The following LRRC4C variants were observed in gnomAD, a reference collection of about 807,000 sequenced individuals.
LRRC4C encodes the protein leucine-rich repeat-containing protein 4C.
LRRC4C carries 5 observed loss-of-function variants against 33.6 expected under a neutral mutation model. That is an observed-to-expected ratio of 0.15 (90% CI 0.08 to 0.31). The LOEUF (loss-of-function observed/expected upper bound fraction) is 0.31. Among genes scored for constraint, LRRC4C ranks in the 10% least tolerant of loss-of-function variants. LRRC4C has a pLI of 1.00. For synonymous variants in LRRC4C, 329 were observed against 302.0 expected, an observed-to-expected ratio of 1.09 and a Z score of -0.93; for missense variants, 560 against 796.7, an observed-to-expected ratio of 0.70 and a Z score of 3.58.
At chr11:40,313,669 G>A (rs1178824343) in intron 4 of LRRC4C, among the ~76,000 whole-genome samples, 1 of 130,378 alleles carries the variant, frequency 7.7e-6, no homozygotes, top group African/African-American at 3.0e-5. Context: ...GTGTATTGGC[G>A]CAATCTCGGC....
chr11:40,470,705 G>A (rs532709038), intron 3 of LRRC4C, among the ~76,000 whole-genome samples: 1 of 152,294 alleles, frequency 6.6e-6, no homozygotes, highest in Non-Finnish European at 1.5e-5. Flanking sequence ...ACCTCATGGA[G>A]CTGAAATACA....
At chr11:40,875,011 C>A (rs1408309555) in intron 2 of LRRC4C, among the ~76,000 whole-genome samples, 1 of 152,140 alleles carries the variant, frequency 6.6e-6, no homozygotes, top group African/African-American at 2.4e-5. Flanking sequence ...ACATAGAAAT[C>A]ATTTCCCATT....
chr11:40,331,572 T>C (rs1182504854), intron 3 of LRRC4C, among the ~76,000 whole-genome samples: 1 of 152,194 alleles, frequency 6.6e-6, no homozygotes, highest in Admixed American at 6.5e-5. Context: ...TGATTAACAT[T>C]TGAATTAGTA....
chr11:40,817,650 G>A (rs928094900), intron 2 of LRRC4C, among the ~76,000 whole-genome samples: 1 of 152,060 alleles, frequency 6.6e-6, no homozygotes, highest in Non-Finnish European at 1.5e-5. Flanking sequence ...ACATCATCCA[G>A]TAATTTGCCC....
chr11:41,123,799 GT>G (rs1942597578), intron 1 of LRRC4C, among the ~76,000 whole-genome samples: 2 of 152,272 alleles, frequency 1.3e-5, no homozygotes, highest in South Asian at 4.1e-4. Context: ...TGGGTGTGTG[GT>G]TTAATCAATG....
chr11:40,845,252 T>C (rs1032114842), intron 2 of LRRC4C, among the ~76,000 whole-genome samples: 1 of 152,064 alleles, frequency 6.6e-6, no homozygotes, highest in Non-Finnish European at 1.5e-5. Context: ...GTTTGCTGCA[T>C]CCATCAGCCT....
chr11:40,547,774 G>A (rs914016832), intron 3 of LRRC4C, among the ~76,000 whole-genome samples: 26 of 152,166 alleles, frequency 1.7e-4, no homozygotes, highest in African/African-American at 5.1e-4. Context: ...ACTGAGATAC[G>A]AAGAGGGAAT....
intron 1 of LRRC4C, among the ~76,000 whole-genome samples, chr11:41,129,407 T>C (rs1942908564): frequency 6.6e-6 from 1 of 151,988 alleles, no homozygotes; most frequent in Admixed American, 6.6e-5. Flanking sequence ...TATTTATGTA[T>C]ATAACCAGTT....
intron 1 of LRRC4C, among the ~76,000 whole-genome samples, chr11:41,226,776 A>ACACACC (rs1224365308): frequency 1.0e-4 from 15 of 149,536 alleles, no homozygotes; most frequent in Admixed American, 7.4e-4. Flanking sequence ...ACACACACAC[A>ACACACC]CCCTTCTCTC....
intron 1 of LRRC4C, among the ~76,000 whole-genome samples, chr11:41,124,291 C>CT (rs1447373777): frequency 6.6e-6 from 1 of 152,168 alleles, no homozygotes; most frequent in Non-Finnish European, 1.5e-5. Context: ...ATCCACATGT[C>CT]TCGTAAGTGG....
Position 40,114,226 on chromosome 11 carries a change from T to A in LRRC4C, c.*144A>T. ...TTGTCTGCTTTAGATCACAATAGAA[T>A]TTTTAATAAATAAATTTCTTTTCTT... On this transcript the variant is annotated 3_prime_UTR_variant, in exon 7 of 7. Coordinates refer to ENST00000528697, the MANE Select transcript of LRRC4C (RefSeq NM_001258419.2). The A allele has an allele frequency of 1.0e-6, 1 of 973,014 alleles. No individual in the cohort carries two copies. Among genetic ancestry groups the A allele is most frequent in the Non-Finnish European group, 1.4e-6 (1 of 690,598 alleles). The allele number at this position is 973,014 out of a possible 1,614,324, so 60.3% of individuals were successfully genotyped here. A position where few individuals can be genotyped will look rare whatever the true frequency, so the allele number is the denominator to read the frequency against.
At chr11:41,068,778 C>A (rs184468238) in intron 1 of LRRC4C, among the ~76,000 whole-genome samples, 12 of 151,874 alleles carry the variant, frequency 7.9e-5, no homozygotes, top group African/African-American at 2.7e-4. Flanking sequence ...AACCAACAAC[C>A]AAAAAACAAA....
chr11:41,065,072 G>A (rs993829773), intron 1 of LRRC4C, among the ~76,000 whole-genome samples: 1 of 112,384 alleles, frequency 8.9e-6, no homozygotes, highest in Non-Finnish European at 1.9e-5. Context: ...AGACTCCCCC[G>A]GAAAGGGGGC....
rs1209294448 is a variant in LRRC4C, at chr11:40,631,201, T to G, written c.-270+16941A>C. On this transcript the variant is annotated intron_variant, in intron 3 of 6. Coordinates refer to ENST00000528697, the MANE Select transcript of LRRC4C (RefSeq NM_001258419.2). The stretch of plus-strand genomic sequence containing the variant: ...TCTCTTCTGCCTATTTGAAGCTCTT[T>G]TCTGGACTCTTATCACGGTTAAAAA... Among the ~76,000 whole-genome samples the G allele has an allele frequency of 2.6e-5, 4 of 152,196 alleles. No individual in the cohort carries two copies. The East Asian group carries it at 7.7e-4, about 29-fold the overall frequency.
At chr11:40,306,172 A>G (rs890818438) in intron 4 of LRRC4C, among the ~76,000 whole-genome samples, 1 of 152,176 alleles carries the variant, frequency 6.6e-6, no homozygotes, top group African/African-American at 2.4e-5. Flanking sequence ...ATTTTTTGGA[A>G]GTATATTAAG....
chr11:40,731,160 A>T (rs1947560052), intron 2 of LRRC4C, among the ~76,000 whole-genome samples: 3 of 152,030 alleles, frequency 2.0e-5, no homozygotes, highest in Admixed American at 2.0e-4. Context: ...TCTACTAAAA[A>T]TATAAAAAAT....
At chr11:40,345,573 T>C (rs1194593887) in intron 3 of LRRC4C, among the ~76,000 whole-genome samples, 1 of 152,150 alleles carries the variant, frequency 6.6e-6, no homozygotes, top group Non-Finnish European at 1.5e-5. Context: ...TACTTAAATG[T>C]AATACCTACA....
At chr11:40,651,355 G>T (rs925550798) in intron 2 of LRRC4C, among the ~76,000 whole-genome samples, 1 of 151,964 alleles carries the variant, frequency 6.6e-6, no homozygotes, top group African/African-American at 2.4e-5. Flanking sequence ...AGATGGGGGT[G>T]GGGGAGAGGA....
chr11:40,849,738 C>A lies in LRRC4C; in HGVS notation c.-407+83897G>T, dbSNP rs752443733. 3.4e-4 allele frequency among the ~76,000 whole-genome samples: 51 copies of A among 152,154 alleles called. 1 individual carries two copies. Among genetic ancestry groups the A allele is most frequent in the Non-Finnish European group, 6.5e-4 (44 of 68,024 alleles). On this transcript the variant is annotated intron_variant, in intron 2 of 6. Transcript: ENST00000528697. Reference sequence around the variant, plus strand: ...TAATATCCTTAATTGTGTTTTCCAACTTGATTCCATTCTCCCTGTCACTTT... The same window carrying A: ...TAATATCCTTAATTGTGTTTTCCAAATTGATTCCATTCTCCCTGTCACTTT...
Sources: gnomAD v4.1 joint callset for allele counts (sites outside exome capture counted in the v4.1 genomes callset) on GRCh38, gnomAD v4.1.1 for gene constraint, MANE v1.5 for transcripts, NCBI Gene and HGNC (gene_info 2026-07-23, HGNC 2026-07-21) for gene names.